ZNF177: variants seen among roughly 807,000 people sequenced by gnomAD.
ZNF177 encodes the protein zinc finger protein 177.
Under a neutral mutation model 19.4 loss-of-function variants are expected in ZNF177, and 17 were observed. The ratio of observed to expected loss-of-function variants is 0.87; its 90% CI spans 0.60 to 1.31. The LOEUF is 1.31. ZNF177 is among the 40% of genes most tolerant of loss of function. The pLI, the probability that ZNF177 is intolerant of heterozygous loss-of-function variation, is 0.00. For synonymous variants in ZNF177, 220 were observed against 188.7 expected (o/e 1.17, Z -1.36); for missense variants, 633 against 561.8 (o/e 1.13, Z -1.28).
chr19:9,380,811 C>T (rs984777044), exon 6 of ZNF177: 10 of 1,536,098 alleles, frequency 6.5e-6, no homozygotes, highest in Non-Finnish European at 8.7e-6. Flanking sequence ...TCAACCATCC[C>T]TCAACTCTTA....
chr19:9,378,324 T>A, exon 2 of ZNF177: 1 of 1,613,638 alleles, frequency 6.2e-7, no homozygotes, highest in Non-Finnish European at 8.5e-7. Context: ...GGCTGCAGGG[T>A]GGCTGACAAC....
At chr19:9,372,540 C>CTTTTTTTT (rs61321271), upstream of ZNF177, among the ~76,000 whole-genome samples, 73 of 84,576 alleles carry the variant, frequency 8.6e-4, no homozygotes, top group East Asian at 1.8e-3. Flanking sequence ...CTTTCTTTTC[C>CTTTTTTTT]TTTTTTTTTT....
chr19:9,366,791 C>T (rs908048417), intron 2 of ZNF177, among the ~76,000 whole-genome samples: 13 of 152,142 alleles, frequency 8.5e-5, no homozygotes, highest in African/African-American at 3.1e-4. Flanking sequence ...GTGGCAGCAC[C>T]ACTTCCCACT....
intron 2 of ZNF177, among the ~76,000 whole-genome samples, chr19:9,370,831 C>G (rs945802729): frequency 2.6e-5 from 4 of 152,128 alleles, no homozygotes; most frequent in Non-Finnish European, 4.4e-5. Flanking sequence ...GATCTGTGGT[C>G]GAGTAGCCAA....
At chr19:9,382,464 C>T, downstream of ZNF177, 1 of 398,628 alleles carries the variant, frequency 2.5e-6, no homozygotes, top group Non-Finnish European at 4.4e-6. Flanking sequence ...TCTGGTTGCA[C>T]TAATCCTGTG....
At chr19:9,381,360 G>C in exon 6 of ZNF177, 1 of 1,611,884 alleles carries the variant, frequency 6.2e-7, no homozygotes, top group Non-Finnish European at 8.5e-7. Flanking sequence ...ATGACTGTAA[G>C]GAATGTGGGA....
At chr19:9,373,315 G>A (rs2068070862), upstream of ZNF177, among the ~76,000 whole-genome samples, 1 of 152,162 alleles carries the variant, frequency 6.6e-6, no homozygotes, top group Admixed American at 6.5e-5. Flanking sequence ...AACCCACTGT[G>A]TGTATATATA....
At chr19:9,380,100 G>T in exon 5 of ZNF177, 1 of 1,612,016 alleles carries the variant, frequency 6.2e-7, no homozygotes, top group Non-Finnish European at 8.5e-7. Flanking sequence ...TTGCTATGCA[G>T]AACATTCCTG....
chr19:9,376,775 T>G (rs1042383013), intron 1 of ZNF177, among the ~76,000 whole-genome samples: 3 of 152,212 alleles, frequency 2.0e-5, no homozygotes, highest in Non-Finnish European at 2.9e-5. Context: ...ATTTTTATCT[T>G]TTAATCTTTT....
At chr19:9,373,562 A>G (rs752597467), upstream of ZNF177, among the ~76,000 whole-genome samples, 1 of 152,150 alleles carries the variant, frequency 6.6e-6, no homozygotes, top group Non-Finnish European at 1.5e-5. Context: ...TTTCACTTCT[A>G]ACAACGATGT....
chr19:9,371,530 T>C (rs1202415340), upstream of ZNF177: 2 of 152,234 alleles, frequency 1.3e-5, no homozygotes, highest in Non-Finnish European at 2.9e-5. Flanking sequence ...CTCAGCATAC[T>C]GAAGACATTG....
chr19:9,381,021 A>G (rs753008924), exon 6 of ZNF177: 18 of 1,591,696 alleles, frequency 1.1e-5, no homozygotes, highest in Non-Finnish European at 1.4e-5. Flanking sequence ...CTGGAGAGAA[A>G]GGTGATGAAT....
In ZNF177 at chr19:9,380,948, A is replaced by T. The variant is rs777687339; in HGVS notation, c.617A>T (p.Tyr206Phe). 29 of 1,536,682 alleles carry T rather than the reference A, an allele frequency of 1.9e-5. No individual in the cohort carries two copies. The South Asian group carries it at 3.4e-4, about 18-fold the overall frequency. Residue 206 changes from tyrosine (Y) to phenylalanine (F), a missense_variant, in exon 6 of 6, where the codon TAT (tyrosine) becomes TTT (phenylalanine). Tyr to Phe is a conservative substitution (Grantham distance 22, BLOSUM62 3). Coordinates refer to ENST00000589262, the Ensembl canonical transcript of ZNF177. ...CCCACAGGACAGAAGTTTCAGGAGT[A>T]TGAGCAATGTGATATGTCCTTCAGC...
At chr19:9,379,403 G>C (rs1568384421) in intron 3 of ZNF177, 124 bp from the exon 6 acceptor site, 1 of 1,323,366 alleles carries the variant, frequency 7.6e-7, no homozygotes, top group South Asian at 1.5e-5. Flanking sequence ...TTGTTTTGTT[G>C]TTCCTAAAGC....
At chr19:9,380,716 A>C in exon 6 of ZNF177, 1 of 1,535,958 alleles carries the variant, frequency 6.5e-7, no homozygotes, top group Non-Finnish European at 8.7e-7. Context: ...CCATTGTGGG[A>C]AATTCAGAAA....
At chr19:9,372,116 T>C (rs560335161), upstream of ZNF177, among the ~76,000 whole-genome samples, 19 of 152,304 alleles carry the variant, frequency 1.2e-4, no homozygotes, top group Non-Finnish European at 2.1e-4. Context: ...GTATATAAGA[T>C]TTTTTCTCAA....
At chr19:9,363,939 A>T (rs1158119617) in intron 1 of ZNF177, among the ~76,000 whole-genome samples, 2 of 152,160 alleles carry the variant, frequency 1.3e-5, no homozygotes, top group African/African-American at 4.8e-5. Context: ...GTCACTACTT[A>T]CATGTTTGCT....
At chr19:9,376,767 T>C (rs2068114989) in intron 1 of ZNF177, among the ~76,000 whole-genome samples, 1 of 152,194 alleles carries the variant, frequency 6.6e-6, no homozygotes, top group Admixed American at 6.5e-5. Flanking sequence ...TTTTTAATAT[T>C]TTTATCTTTT....
intron 2 of ZNF177, 200 bp downstream of exon 4, chr19:9,378,544 C>A (rs1026270286): frequency 1.2e-6 from 1 of 867,608 alleles, no homozygotes; most frequent in African/African-American, 1.7e-5. Context: ...AGATATTCTT[C>A]CATATTTTTG....
Sources: allele counts gnomAD v4.1 joint callset (sites outside exome capture counted in the v4.1 genomes callset), GRCh38; gene constraint gnomAD v4.1.1; transcripts MANE v1.5; gene names NCBI Gene and HGNC (gene_info 2026-07-23, HGNC 2026-07-21).